ALOX15B: variants seen among roughly 807,000 people sequenced by gnomAD.
ALOX15B encodes the protein polyunsaturated fatty acid lipoxygenase ALOX15B.
Under a neutral mutation model 73.8 loss-of-function variants are expected in ALOX15B, and 74 were observed. The ratio of observed to expected loss-of-function variants is 1.00; its 90% CI spans 0.83 to 1.22. The LOEUF is 1.22. Ranked by LOEUF, ALOX15B falls within the 50% of genes most tolerant of loss-of-function variation. The probability of loss-of-function intolerance (pLI) is 0.00; values close to 1 mark genes in which losing one functional copy is unlikely to be tolerated. For synonymous variants in ALOX15B, 353 were observed against 357.2 expected (o/e 0.99, Z 0.13); for missense variants, 896 against 859.9 (o/e 1.04, Z -0.52).
At chr17:8,045,066 C>G in intron 6 of ALOX15B, 65 bp downstream of exon 6, 3 of 1,598,060 alleles carry the variant, frequency 1.9e-6, no homozygotes, top group Non-Finnish European at 2.6e-6. Flanking sequence ...CCGTCCCCTA[C>G]TGGAGACAGA....
At chr17:8,046,172 G>A (rs182047339) in intron 8 of ALOX15B, among the ~76,000 whole-genome samples, 15 of 152,304 alleles carry the variant, frequency 9.8e-5, no homozygotes, top group South Asian at 6.2e-4. Context: ...ACCCACAGTC[G>A]CTGCTCAGAT....
rs1976496944 is a variant in ALOX15B at position 8,042,772 on chromosome 17, C to A, written c.573-9C>A. On this transcript the variant is annotated splice_polypyrimidine_tract_variant and intron_variant, in intron 4 of 13. Coordinates refer to ENST00000380183, the MANE Select transcript of ALOX15B (RefSeq NM_001141.3). ...CTCCCCACTCCCCACCCCTCACATC[C>A]CCTGGCAGTTTTGCAGAGATGAAAA... is the stretch of plus-strand genomic sequence containing the variant. 1.3e-6 allele frequency: 2 copies of A among 1,553,186 alleles called. No homozygotes were observed. Among genetic ancestry groups the A allele is most frequent in the Non-Finnish European group, 1.7e-6 (2 of 1,147,942 alleles).
chr17:8,043,657 AGAG>A (rs1033844739), intron 5 of ALOX15B, among the ~76,000 whole-genome samples: 2 of 152,152 alleles, frequency 1.3e-5, no homozygotes, highest in Non-Finnish European at 2.9e-5. Flanking sequence ...TGTGGTCACC[AGAG>A]GATGGTGGCC....
intron 3 of ALOX15B, among the ~76,000 whole-genome samples, chr17:8,040,517 T>G: frequency 7.5e-6 from 1 of 132,800 alleles, no homozygotes. Flanking sequence ...CACTCCAGCA[T>G]GGGGGACAGA....
At chr17:8,040,661 A>AAAGG (rs1976440711) in intron 3 of ALOX15B, among the ~76,000 whole-genome samples, 2 of 147,188 alleles carry the variant, frequency 1.4e-5, no homozygotes, top group Non-Finnish European at 3.0e-5. Context: ...GAAAAGAAAG[A>AAAGG]GAAAGAAACT....
In ALOX15B at chr17:8,047,242, C is replaced by G; in HGVS notation, c.1458-16C>G. The G allele has an allele frequency of 1.2e-6, 2 of 1,613,918 alleles. No homozygotes were observed. The highest frequency in any genetic ancestry group is 3.3e-5 in the Admixed American group (2 of 59,996). On this transcript the variant is annotated splice_polypyrimidine_tract_variant and intron_variant, in intron 10 of 13. Coordinates refer to ENST00000380183, the MANE Select transcript of ALOX15B (RefSeq NM_001141.3). ...GTCGGGGTTGGAGGCTGGACCTGAA[C>G]CTGGATGCATTGCAGCTTTGTCTCT...
chr17:8,042,519 T>G (rs750813122), intron 4 of ALOX15B, 28 bp downstream of exon 4: 2 of 1,609,846 alleles, frequency 1.2e-6, no homozygotes, highest in Non-Finnish European at 1.7e-6. Context: ...TCCCTGCCCC[T>G]GGGCCTCAGA....
Position 8,047,290 on chromosome 17 carries a change from C to G in ALOX15B, c.1490C>G (p.Pro497Arg). 6.2e-7 allele frequency: 1 copy of G among 1,614,086 alleles called. No homozygotes were observed. Among genetic ancestry groups the G allele is most frequent in the Non-Finnish European group, 8.5e-7 (1 of 1,179,994 alleles). ...TCTGAAATCATCGGTATCTACTACC[C>G]AAGTGATGAGTCTGTCCAAGATGAC... is the stretch of plus-strand genomic sequence containing the variant. ...FVSEIIGIYY[P>R]SDESVQDDRE... Residue 497 changes from proline (P) to arginine (R), a missense_variant, in exon 11 of 14, where the codon CCA becomes CGA. Coordinates refer to ENST00000380183, the MANE Select transcript of ALOX15B (RefSeq NM_001141.3).
At chr17:8,045,723 T>C in intron 8 of ALOX15B, 37 bp downstream of exon 8, 11 of 1,600,006 alleles carry the variant, frequency 6.9e-6, no homozygotes, top group Non-Finnish European at 9.4e-6. Flanking sequence ...CCTGTGCCCA[T>C]GCCTCTGTGC....
chr17:8,042,566 A>T, intron 4 of ALOX15B, 75 bp downstream of exon 4: 4 of 1,567,748 alleles, frequency 2.6e-6, no homozygotes, highest in Non-Finnish European at 3.5e-6. Context: ...TCCCCTAGTC[A>T]GTTCCCCCAC....
intron 3 of ALOX15B, among the ~76,000 whole-genome samples, chr17:8,041,734 T>C (rs1396168151): frequency 2.0e-5 from 3 of 152,152 alleles, no homozygotes; most frequent in Non-Finnish European, 2.9e-5. Flanking sequence ...GTGTTGCTTG[T>C]TTGAGAATAG....
In ALOX15B at chr17:8,046,246, C is replaced by G. The variant is rs941881464; in HGVS notation, c.1201-422C>G. Reference sequence around the variant, plus strand: ...GGGCCCTACTCTGTGCTCTTCTGTACTAGCTGGTTCTTTCTGACTATCTGC... The same window carrying G: ...GGGCCCTACTCTGTGCTCTTCTGTAGTAGCTGGTTCTTTCTGACTATCTGC... On this transcript the variant is annotated intron_variant, in intron 8 of 13. Transcript: ENST00000380183. Among the ~76,000 whole-genome samples the G allele has an allele frequency of 2.0e-5, 3 of 152,360 alleles. No homozygotes were observed. In the East Asian group the frequency reaches 5.8e-4, roughly 29 times the overall value.
In ALOX15B at chr17:8,047,619, G is replaced by T; in HGVS notation, c.1635G>T (p.Val545=). 6.2e-7 allele frequency: 1 copy of T among 1,611,558 alleles called. No homozygotes were observed. ...REALVQYVTM[V]IFTCSAKHAA... is the part of the protein sequence containing the mutation. Reference sequence around the variant, plus strand: ...CCCTGGTGCAGTATGTCACCATGGTGATATTCACCTGCTCCGCCAAGCATG... The same window carrying T: ...CCCTGGTGCAGTATGTCACCATGGTTATATTCACCTGCTCCGCCAAGCATG... Residue 545 remains valine, a synonymous_variant, in exon 12 of 14, where the codon GTG becomes GTT. Coordinates refer to ENST00000380183, the MANE Select transcript of ALOX15B (RefSeq NM_001141.3).
Position 8,039,107 on chromosome 17 carries a change from C to A in ALOX15B, c.-49C>A, listed in dbSNP as rs62065077. The stretch of plus-strand genomic sequence containing the variant: ...ACCAGGCGTGTCCCAGGGGGGAGCC[C>A]CGCTCTGCAGCCCTGTGCGCCGTAG... On this transcript the variant is annotated 5_prime_UTR_variant, in exon 1 of 14. Coordinates refer to ENST00000380183, the MANE Select transcript of ALOX15B (RefSeq NM_001141.3). 2.5e-6 allele frequency: 4 copies of A among 1,584,352 alleles called. No individual in the cohort carries two copies. The East Asian group carries it at 9.0e-5, about 36-fold the overall frequency.
intron 3 of ALOX15B, among the ~76,000 whole-genome samples, chr17:8,040,647 G>GAAAGAAAGAAAGAA (rs1255631976): frequency 2.5e-5 from 3 of 122,270 alleles, no homozygotes; most frequent in African/African-American, 5.5e-5. Context: ...AAGAAAGAAA[G>GAAAGAAAGAAAGAA]AAAGAAAAGA....
Position 8,044,854 on chromosome 17 carries a change from G to A in ALOX15B, c.702G>A (p.Glu234=). The A allele has an allele frequency of 6.2e-7, 1 of 1,613,332 alleles. No individual in the cohort carries two copies. The highest frequency in any genetic ancestry group is 8.5e-7 in the Non-Finnish European group (1 of 1,179,754). The change falls in exon 6 of 14, where the codon GAG becomes GAA. Residue 234 remains glutamate, a synonymous_variant. Coordinates refer to ENST00000380183, the MANE Select transcript of ALOX15B (RefSeq NM_001141.3). ...AGCACGCATTTGAGCACTGGCAGGA[G>A]GACGCCTTCTTCGCCTCCCAGTTCC... ...AAEHAFEHWQ[E]DAFFASQFLN... is the part of the protein sequence containing the mutation.
At chr17:8,048,268 T>C in intron 13 of ALOX15B, 118 bp from the exon 14 acceptor site, 1 of 1,274,208 alleles carries the variant, frequency 7.8e-7, no homozygotes, top group Non-Finnish European at 1.1e-6. Context: ...GTCCCACACT[T>C]GGGGGCTAGG....
Position 8,045,329 on chromosome 17 carries a change from T to A in ALOX15B, c.941T>A (p.Met314Lys). 6.2e-7 allele frequency: 1 copy of A among 1,614,186 alleles called. No individual in the cohort carries two copies. The highest frequency in any genetic ancestry group is 8.5e-7 in the Non-Finnish European group (1 of 1,180,028). The change falls in exon 7 of 14, where the codon ATG becomes AAG. Residue 314 changes from methionine to lysine, a missense_variant. By Grantham distance (95) the Met-to-Lys change is moderately conservative. Coordinates refer to ENST00000380183, the MANE Select transcript of ALOX15B (RefSeq NM_001141.3). The stretch of plus-strand genomic sequence containing the variant: ...AAGCCTCAGTTCTCTGCGGCCCCAA[T>A]GACCCTGCTATACCAGAGCCCAGGC... The part of the protein sequence containing the change: ...NGKPQFSAAP[M>K]TLLYQSPGCG...
intron 3 of ALOX15B, among the ~76,000 whole-genome samples, chr17:8,040,399 G>T (rs1228129172): frequency 6.6e-6 from 1 of 151,814 alleles, no homozygotes; most frequent in East Asian, 1.9e-4. Context: ...ACAAAAATCA[G>T]CTGGGTAGGG....
Sources: allele counts gnomAD v4.1 joint callset (sites outside exome capture counted in the v4.1 genomes callset), GRCh38; gene constraint gnomAD v4.1.1; transcripts MANE v1.5; gene names NCBI Gene and HGNC (gene_info 2026-07-23, HGNC 2026-07-21).